The following XYLT1 variants were observed in gnomAD, a reference collection of about 807,000 sequenced individuals.
XYLT1 encodes xylosyltransferase 1.
In XYLT1, 36 loss-of-function variants were observed where a neutral mutation model predicts 91.3. That is an observed-to-expected ratio of 0.39 (90% confidence interval 0.30 to 0.52). The LOEUF (loss-of-function observed/expected upper bound fraction) is 0.52. XYLT1 is among the 20% of genes least tolerant of loss of function. The pLI, the probability that XYLT1 is intolerant of heterozygous loss-of-function variation, is 0.68. For synonymous variants in XYLT1, 588 were observed against 532.0 expected, an observed-to-expected ratio of 1.11 and a Z score of -1.45; for missense variants, 1,242 against 1,284.5, an observed-to-expected ratio of 0.97 and a Z score of 0.51.
chr16:17,197,983 TG>T, intron 5 of XYLT1: 1 of 591,606 alleles, frequency 1.7e-6, no homozygotes, highest in Non-Finnish European at 3.0e-6. Context: ...TTTAGTGCAC[TG>T]GCATATCAGC....
At chr16:17,307,053 G>C (rs1254852625) in intron 2 of XYLT1, among the ~76,000 whole-genome samples, 1 of 152,096 alleles carries the variant, frequency 6.6e-6, no homozygotes, top group African/African-American at 2.4e-5. Flanking sequence ...AGTTATATGA[G>C]CCTGCAGTTT....
rs555055316 is a variant in XYLT1, at chr16:17,413,087, T to C, written c.364-55037A>G. ...AACTATGTCTAATTTCTCACCATTG[T>C]ATGCTCAGTGCCCAGGCTGGTGCCT... On this transcript the variant is annotated intron_variant, in intron 1 of 11. Transcript: ENST00000261381. 1.4e-3 allele frequency among the ~76,000 whole-genome samples: 213 copies of C among 152,352 alleles called. 1 individual carries two copies. Among genetic ancestry groups the C allele is most frequent in the African/African-American group, 5.0e-3 (210 of 41,588 alleles).
Position 17,470,787 on chromosome 16 carries a change from C to T in XYLT1, c.10G>A (p.Ala4Thr). The T allele has an allele frequency of 9.8e-7, 1 of 1,016,420 alleles. No homozygotes were observed. Among genetic ancestry groups the T allele is most frequent in the Non-Finnish European group, 1.2e-6 (1 of 852,040 alleles). The allele number at this position is 1,016,420 out of a possible 1,614,324, so 63.0% of individuals were successfully genotyped here. MVA[A>T]PCARRLARRS... ...CGGGCCAGCCTCCGGGCGCACGGCG[C>T]CGCCACCATCTTCGGAGCGCGGCCG... The change falls in exon 1 of 12, where the codon GCG becomes ACG. Residue 4 changes from alanine to threonine, a missense_variant. By Grantham distance (58) the Ala-to-Thr change is moderately conservative. Coordinates refer to ENST00000261381, the MANE Select transcript of XYLT1 (RefSeq NM_022166.4).
intron 2 of XYLT1, among the ~76,000 whole-genome samples, chr16:17,292,554 G>A (rs1386672381): frequency 6.6e-6 from 1 of 152,204 alleles, no homozygotes; most frequent in Non-Finnish European, 1.5e-5. Flanking sequence ...GGCTGATGTG[G>A]ATCCCTGTAC....
At chr16:17,111,017 G>A (rs766256178) in intron 11 of XYLT1, among the ~76,000 whole-genome samples, 2 of 152,062 alleles carry the variant, frequency 1.3e-5, no homozygotes, top group Non-Finnish European at 2.9e-5. Flanking sequence ...AAAATAAGCC[G>A]GGCGTGATGG....
Position 17,108,890 on chromosome 16 carries a change from T to C in XYLT1, c.2685A>G (p.Ala895=). ...PAQVEQARRN[A]ASTGTALEGW... ...CCTCCAGCGCTGTGCCCGTGGAGGCTGCGTTCCTCCGTGCCTGTTCCACCT... is the reference window on the plus strand; with the variant it reads ...CCTCCAGCGCTGTGCCCGTGGAGGCCGCGTTCCTCCGTGCCTGTTCCACCT... The change falls in exon 12 of 12, where the codon GCA becomes GCG. Residue 895 remains alanine, a synonymous_variant. Coordinates refer to ENST00000261381, the MANE Select transcript of XYLT1 (RefSeq NM_022166.4). 6.2e-7 allele frequency: 1 copy of C among 1,610,902 alleles called. No individual in the cohort carries two copies. Among genetic ancestry groups the C allele is most frequent in the Non-Finnish European group, 8.5e-7 (1 of 1,177,894 alleles).
chr16:17,386,498 T>C (rs2035749320), intron 1 of XYLT1, among the ~76,000 whole-genome samples: 1 of 151,816 alleles, frequency 6.6e-6, no homozygotes, highest in African/African-American at 2.4e-5. Context: ...GATGGAGAGG[T>C]GGAGGGGCTC....
intron 1 of XYLT1, among the ~76,000 whole-genome samples, chr16:17,452,777 A>G (rs1354668026): frequency 6.6e-6 from 1 of 152,162 alleles, no homozygotes; most frequent in African/African-American, 2.4e-5. Flanking sequence ...GATTCTTTTT[A>G]GACCAAGTTA....
intron 1 of XYLT1, among the ~76,000 whole-genome samples, chr16:17,416,948 T>C (rs1258795368): frequency 3.3e-5 from 5 of 152,220 alleles, no homozygotes; most frequent in Non-Finnish European, 7.3e-5. Context: ...CTGGTGTTGC[T>C]TTAATAATCA....
chr16:17,253,452 T>C (rs1157647367), intron 3 of XYLT1, among the ~76,000 whole-genome samples: 1 of 152,182 alleles, frequency 6.6e-6, no homozygotes, highest in South Asian at 2.1e-4. Context: ...AACCTCAGCA[T>C]GACCAGGAGA....
At chr16:17,122,589 T>C (rs535660696) in intron 10 of XYLT1, among the ~76,000 whole-genome samples, 145 of 152,364 alleles carry the variant, frequency 9.5e-4, no homozygotes, top group African/African-American at 3.2e-3. Flanking sequence ...ACTTTTAAAA[T>C]TAAGTCCTAT....
chr16:17,139,154 C>T (rs2030883444), intron 7 of XYLT1, among the ~76,000 whole-genome samples: 2 of 149,526 alleles, frequency 1.3e-5, no homozygotes, highest in African/African-American at 2.6e-5. Flanking sequence ...AGAGGAGAAA[C>T]AATCAATCAC....
chr16:17,105,657 A>G lies in XYLT1; in HGVS notation c.*3038T>C, dbSNP rs1467705381. 1 of 152,012 alleles carries G rather than the reference A, an allele frequency of 6.6e-6. No homozygotes were observed. Among genetic ancestry groups the G allele is most frequent in the Non-Finnish European group, 1.5e-5 (1 of 68,012 alleles). The allele number at this position is 152,012 out of a possible 1,614,324, so 9.4% of individuals were successfully genotyped here. A position where few individuals can be genotyped will look rare whatever the true frequency, so the allele number is the denominator to read the frequency against. The stretch of plus-strand genomic sequence containing the variant: ...AGAATGCTTCCTTCTCCACAAACCA[A>G]TACCCCAAGGCCCACCTGTCAGCCT... On this transcript the variant is annotated 3_prime_UTR_variant, in exon 12 of 12. Transcript: ENST00000261381.
At chr16:17,172,110 T>C (rs1434278708) in intron 5 of XYLT1, among the ~76,000 whole-genome samples, 2 of 152,230 alleles carry the variant, frequency 1.3e-5, no homozygotes, top group East Asian at 1.9e-4. Context: ...GCATGGGTAC[T>C]CGGTGTACAG....
intron 1 of XYLT1, chr16:17,445,761 C>T (rs1310894810): frequency 1.3e-5 from 2 of 152,232 alleles, no homozygotes; most frequent in Non-Finnish European, 2.9e-5. Flanking sequence ...TATTCCTCTC[C>T]CTTTGGAGCC....
intron 1 of XYLT1, among the ~76,000 whole-genome samples, chr16:17,378,200 C>T (rs1014628478): frequency 6.6e-6 from 1 of 152,138 alleles, no homozygotes; most frequent in African/African-American, 2.4e-5. Flanking sequence ...TTAAACACAA[C>T]AAATGGCACG....
At chr16:17,111,091 C>A (rs933886755) in intron 11 of XYLT1, among the ~76,000 whole-genome samples, 2 of 148,848 alleles carry the variant, frequency 1.3e-5, no homozygotes, top group African/African-American at 5.0e-5. Flanking sequence ...ACCTGGGAGG[C>A]GGAGGTTTCA....
intron 1 of XYLT1, among the ~76,000 whole-genome samples, chr16:17,374,648 A>G (rs1457481996): frequency 6.6e-6 from 1 of 152,026 alleles, no homozygotes; most frequent in Non-Finnish European, 1.5e-5. Context: ...GACAGAAAAA[A>G]AAAAACAAGA....
rs941756299 is a variant in XYLT1 at position 17,247,381 on chromosome 16, A to G, written c.913+11607T>C. ...GGCAAGAACTCATGGAACGCCAAGAAAATCATCACAAACCACCCTGCCATG... is the reference window on the plus strand; with the variant it reads ...GGCAAGAACTCATGGAACGCCAAGAGAATCATCACAAACCACCCTGCCATG... On this transcript the variant is annotated intron_variant, in intron 3 of 11. Coordinates refer to ENST00000261381, the MANE Select transcript of XYLT1 (RefSeq NM_022166.4). 5.9e-5 allele frequency among the ~76,000 whole-genome samples: 9 copies of G among 152,146 alleles called. No individual in the cohort carries two copies. In the East Asian group the frequency reaches 1.5e-3, roughly 26 times the overall value.
Sources: allele counts gnomAD v4.1 joint callset (sites outside exome capture counted in the v4.1 genomes callset), GRCh38; gene constraint gnomAD v4.1.1; transcripts MANE v1.5; gene names NCBI Gene and HGNC (gene_info 2026-07-23, HGNC 2026-07-21).